Variants in RALGAPA1 observed in about 807,000 individuals in gnomAD.
RALGAPA1 encodes Ral GTPase activating protein catalytic subunit alpha 1.
A neutral mutation model predicts 269.6 loss-of-function variants in RALGAPA1; 52 were observed. That is an observed-to-expected ratio of 0.19 (90% CI 0.15 to 0.24). RALGAPA1 has a LOEUF of 0.24. Ranked by LOEUF, RALGAPA1 falls within the 10% of genes least tolerant of loss-of-function variation. The pLI is 1.00. For missense variants in RALGAPA1, 1,917 were observed against 3,013.9 expected (o/e 0.64, Z 8.52); for synonymous variants, 817 against 1,008.3 (o/e 0.81, Z 3.60).
Position 35,738,076 on chromosome 14 carries a change from G to C in RALGAPA1, c.1587+437C>G, listed in dbSNP as rs180820718. Among the ~76,000 whole-genome samples, 566 of 141,022 alleles carry C rather than the reference G, an allele frequency of 4.0e-3. 3 individuals are homozygous for C. The highest frequency in any genetic ancestry group is 0.014 in the African/African-American group (535 of 37,186). The allele number at this position is 141,022 out of a possible 152,430, so 92.5% of individuals were successfully genotyped here. Reference sequence around the variant, plus strand: ...GCACTCCAGCCTGGGCAACAAGAGCGAAAACTCCATCTCAAAAAAAAAAAA... The same window carrying C: ...GCACTCCAGCCTGGGCAACAAGAGCCAAAACTCCATCTCAAAAAAAAAAAA... On this transcript the variant is annotated intron_variant, in intron 12 of 41. Transcript: ENST00000680220.
At chr14:35,794,484 T>C (rs975149061) in intron 1 of RALGAPA1, among the ~76,000 whole-genome samples, 3 of 152,064 alleles carry the variant, frequency 2.0e-5, no homozygotes, top group Admixed American at 6.6e-5. Context: ...TGAGATGGAG[T>C]CTCCCTCCGT....
intron 1 of RALGAPA1, among the ~76,000 whole-genome samples, chr14:35,781,766 A>G (rs2075449402): frequency 6.6e-6 from 1 of 152,156 alleles, no homozygotes; most frequent in East Asian, 1.9e-4. Context: ...AAAACATCTG[A>G]CAAAACCCAA....
intron 36 of RALGAPA1, 67 bp from the exon 37 acceptor site, chr14:35,595,856 A>C: frequency 2.8e-5 from 38 of 1,336,850 alleles, no homozygotes; most frequent in Middle Eastern, 1.9e-4. Flanking sequence ...AGAAAGACTC[A>C]AACTTCTTGC....
At chr14:35,687,266 A>G (rs549605221) in intron 18 of RALGAPA1, among the ~76,000 whole-genome samples, 1 of 152,352 alleles carries the variant, frequency 6.6e-6, no homozygotes, top group South Asian at 2.1e-4. Context: ...TATTATTTTT[A>G]CCATTTACAT....
intron 16 of RALGAPA1, among the ~76,000 whole-genome samples, chr14:35,717,232 C>A (rs2140911993): frequency 6.6e-6 from 1 of 152,270 alleles, no homozygotes; most frequent in South Asian, 2.1e-4. Flanking sequence ...CCCACTGCAA[C>A]CTCTGCCTCC....
Position 35,688,697 on chromosome 14 carries a change from TATG to T in RALGAPA1, c.3711_3713del (p.Ile1238del). On this transcript the variant is annotated inframe_deletion, in exon 18 of 42. Transcript: ENST00000680220. ...TACTTGCAATTCCTTCTTTTTGTAA[TATG>T]GTGGTGGGAATCTCTGTGGATTCCT... 4 of 1,480,606 alleles carry T rather than the reference TATG, an allele frequency of 2.7e-6. No individual in the cohort carries two copies. The highest frequency in any genetic ancestry group is 3.6e-6 in the Non-Finnish European group (4 of 1,122,640). The allele number at this position is 1,480,606 out of a possible 1,614,324, so 91.7% of individuals were successfully genotyped here. A position where few individuals can be genotyped will look rare whatever the true frequency, so the allele number is the denominator to read the frequency against.
At chr14:35,554,183 T>C (rs1030249616) in intron 39 of RALGAPA1, among the ~76,000 whole-genome samples, 1 of 152,080 alleles carries the variant, frequency 6.6e-6, no homozygotes, top group Non-Finnish European at 1.5e-5. Context: ...GAGTAAATTA[T>C]TCAATACTCA....
intron 10 of RALGAPA1, among the ~76,000 whole-genome samples, chr14:35,744,884 C>G (rs1210711915): frequency 1.3e-5 from 2 of 152,094 alleles, no homozygotes; most frequent in Non-Finnish European, 2.9e-5. Flanking sequence ...TTCTAAGATA[C>G]AGAAAAATTA....
At chr14:35,586,582 G>A (rs1216403567) in intron 37 of RALGAPA1, among the ~76,000 whole-genome samples, 2 of 152,140 alleles carry the variant, frequency 1.3e-5, no homozygotes, top group African/African-American at 4.8e-5. Flanking sequence ...CATTGGCTGT[G>A]GGTTTGTCAT....
chr14:35,750,814 C>A, intron 8 of RALGAPA1, 124 bp from the exon 9 acceptor site: 1 of 818,314 alleles, frequency 1.2e-6, no homozygotes, highest in Non-Finnish European at 1.9e-6. Flanking sequence ...GTAGCTTTAG[C>A]ACAGAAATGA....
chr14:35,645,224 C>T (rs1248997580), intron 31 of RALGAPA1, among the ~76,000 whole-genome samples: 1 of 152,106 alleles, frequency 6.6e-6, no homozygotes, highest in Non-Finnish European at 1.5e-5. Context: ...GGGCTTCATC[C>T]TCACGACCTA....
chr14:35,771,426 C>T (rs1332972901), intron 3 of RALGAPA1, among the ~76,000 whole-genome samples: 1 of 151,872 alleles, frequency 6.6e-6, no homozygotes, highest in Non-Finnish European at 1.5e-5. Context: ...AACAAACAAA[C>T]AAAAAACTAC....
intron 35 of RALGAPA1, among the ~76,000 whole-genome samples, chr14:35,614,142 G>A (rs868542261): frequency 1.3e-5 from 2 of 152,206 alleles, no homozygotes; most frequent in South Asian, 4.2e-4. Context: ...AAGGTAAAAT[G>A]GTACAGCTGG....
At chr14:35,720,034 A>G (rs547552541) in intron 16 of RALGAPA1, among the ~76,000 whole-genome samples, 69 of 152,302 alleles carry the variant, frequency 4.5e-4, no homozygotes, top group African/African-American at 9.9e-4. Context: ...TTACAGGCGT[A>G]AGCCACCGCG....
intron 27 of RALGAPA1, among the ~76,000 whole-genome samples, chr14:35,662,433 T>C (rs918854442): frequency 3.3e-5 from 5 of 152,232 alleles, no homozygotes; most frequent in African/African-American, 1.2e-4. Flanking sequence ...GGTGTGTAAC[T>C]TCCCCTTTAA....
At chr14:35,643,552 G>A (rs1426124262) in intron 31 of RALGAPA1, among the ~76,000 whole-genome samples, 1 of 152,048 alleles carries the variant, frequency 6.6e-6, no homozygotes, top group Non-Finnish European at 1.5e-5. Context: ...CAAATGAAAG[G>A]AAATCAGCAT....
chr14:35,741,463 C>T (rs951591208), intron 11 of RALGAPA1, among the ~76,000 whole-genome samples: 1 of 151,720 alleles, frequency 6.6e-6, no homozygotes, highest in African/African-American at 2.4e-5. Context: ...TATACATATA[C>T]ACGTATACAC....
intron 1 of RALGAPA1, among the ~76,000 whole-genome samples, chr14:35,781,452 C>T (rs987759672): frequency 2.0e-5 from 3 of 152,132 alleles, no homozygotes; most frequent in African/African-American, 7.2e-5. Flanking sequence ...GTATATTTCC[C>T]ACTCATTCTA....
At chr14:35,713,125 A>G (rs1457370027) in intron 16 of RALGAPA1, among the ~76,000 whole-genome samples, 1 of 152,256 alleles carries the variant, frequency 6.6e-6, no homozygotes, top group Non-Finnish European at 1.5e-5. Context: ...CACTATGACA[A>G]GAAGGTAGAA....
Sources: allele counts gnomAD v4.1 joint callset (sites outside exome capture counted in the v4.1 genomes callset), GRCh38; gene constraint gnomAD v4.1.1; transcripts MANE v1.5; gene names NCBI Gene and HGNC (gene_info 2026-07-23, HGNC 2026-07-21).